Variants in NFIA observed in about 807,000 individuals in gnomAD.
NFIA encodes the protein nuclear factor I A.
NFIA carries 8 observed loss-of-function variants against 62.8 expected under a neutral mutation model. The ratio of observed to expected loss-of-function variants is 0.13; its 90% CI spans 0.07 to 0.23. The LOEUF is 0.23. Ranked by LOEUF, NFIA falls within the 10% of genes least tolerant of loss-of-function variation. The pLI is 1.00. For synonymous variants in NFIA, 235 were observed against 238.1 expected (o/e 0.99, Z 0.12); for missense variants, 410 against 642.1 (o/e 0.64, Z 3.91).
chr1:61,330,164 G>A (rs1661215583), intron 3 of NFIA, among the ~76,000 whole-genome samples: 1 of 152,110 alleles, frequency 6.6e-6, no homozygotes, highest in Non-Finnish European at 1.5e-5. Context: ...AATACCTGTG[G>A]GCTATCTGGA....
chr1:61,182,515 G>GAT (rs1285257501), intron 2 of NFIA, among the ~76,000 whole-genome samples: 3 of 152,204 alleles, frequency 2.0e-5, no homozygotes, highest in South Asian at 4.1e-4. Flanking sequence ...GATTAATCAA[G>GAT]ATTCAGGACC....
In NFIA at chr1:61,133,312, A is replaced by G. The variant is rs534395343; in HGVS notation, c.559+44632A>G. On this transcript the variant is annotated intron_variant, in intron 2 of 10. Coordinates refer to ENST00000403491, the MANE Select transcript of NFIA (RefSeq NM_001134673.4). The stretch of plus-strand genomic sequence containing the variant: ...TTGACCTAATGAATGCAGTTCTTAA[A>G]AAATAATAAATATTTATATGTGGTC... Among the ~76,000 whole-genome samples the G allele has an allele frequency of 2.6e-4, 40 of 152,084 alleles. 1 individual carries two copies. In the East Asian group the frequency reaches 6.9e-3, roughly 26 times the overall value.
intron 3 of NFIA, among the ~76,000 whole-genome samples, chr1:61,281,558 G>A (rs1658135883): frequency 1.3e-5 from 2 of 152,172 alleles, no homozygotes; most frequent in African/African-American, 4.8e-5. Context: ...AATCCCCATG[G>A]TGCCACGTCT....
chr1:61,449,088 A>G (rs1353383849), intron 10 of NFIA, among the ~76,000 whole-genome samples: 6 of 152,230 alleles, frequency 3.9e-5, no homozygotes, highest in Admixed American at 3.9e-4. Flanking sequence ...GTAAGTAGGC[A>G]GCAGTCCATG....
chr1:61,359,076 A>G, intron 5 of NFIA, 71 bp from the exon 6 acceptor site: 3 of 1,571,372 alleles, frequency 1.9e-6, no homozygotes, highest in East Asian at 2.3e-5. Flanking sequence ...CTTTCTTTCA[A>G]CCAGAGGTGC....
intron 4 of NFIA, among the ~76,000 whole-genome samples, chr1:61,345,095 G>A (rs1662145880): frequency 6.6e-6 from 1 of 152,164 alleles, no homozygotes; most frequent in Admixed American, 6.5e-5. Flanking sequence ...ACAGGAAAGA[G>A]GCAGGGGTAG....
chr1:61,285,869 A>G (rs902893248), intron 3 of NFIA, among the ~76,000 whole-genome samples: 6 of 152,180 alleles, frequency 3.9e-5, no homozygotes, highest in Non-Finnish European at 7.3e-5. Context: ...CTTTTCAACA[A>G]TCTTTCCACG....
At chr1:61,202,123 A>C (rs1211870857) in intron 2 of NFIA, among the ~76,000 whole-genome samples, 1 of 152,158 alleles carries the variant, frequency 6.6e-6, no homozygotes, top group Non-Finnish European at 1.5e-5. Flanking sequence ...ATGGTAACTT[A>C]AGATTGAGAT....
At chr1:61,316,036 C>T (rs1299221383) in intron 3 of NFIA, among the ~76,000 whole-genome samples, 3 of 152,106 alleles carry the variant, frequency 2.0e-5, no homozygotes, top group Non-Finnish European at 2.9e-5. Context: ...TGTACTCTCT[C>T]GTCCACATAC....
intron 2 of NFIA, among the ~76,000 whole-genome samples, chr1:61,135,879 G>C (rs1258312372): frequency 2.0e-5 from 3 of 152,060 alleles, no homozygotes; most frequent in Admixed American, 1.3e-4. Context: ...CATATCCATA[G>C]AGCACGCATT....
intron 2 of NFIA, among the ~76,000 whole-genome samples, chr1:61,127,773 T>G (rs1189211620): frequency 1.3e-5 from 2 of 152,196 alleles, no homozygotes; most frequent in Non-Finnish European, 2.9e-5. Context: ...TATCCTTAAA[T>G]TTTTAGTTAC....
At chr1:61,389,878 G>C (rs571471548) in intron 7 of NFIA, among the ~76,000 whole-genome samples, 3 of 151,872 alleles carry the variant, frequency 2.0e-5, no homozygotes, top group Non-Finnish European at 2.9e-5. Flanking sequence ...GGTCAGTTTG[G>C]CTTTTTTCAA....
chr1:61,327,306 G>A (rs891695294), intron 3 of NFIA, among the ~76,000 whole-genome samples: 1 of 151,642 alleles, frequency 6.6e-6, no homozygotes, highest in African/African-American at 2.4e-5. Context: ...TTGGGTACAT[G>A]GATGAATTGT....
intron 2 of NFIA, among the ~76,000 whole-genome samples, chr1:61,160,727 C>A (rs978673136): frequency 4.6e-5 from 7 of 152,192 alleles, no homozygotes; most frequent in Non-Finnish European, 1.0e-4. Flanking sequence ...ATGCAGATGA[C>A]TGTACACACT....
At chr1:61,279,283 A>G (rs1333547021) in intron 3 of NFIA, among the ~76,000 whole-genome samples, 2 of 152,110 alleles carry the variant, frequency 1.3e-5, no homozygotes, top group East Asian at 1.9e-4. Context: ...CCCATGAGAA[A>G]TTTGATTACA....
At chr1:61,404,332 A>G (rs760848617) in intron 8 of NFIA, 50 bp downstream of exon 8, 1 of 1,513,836 alleles carries the variant, frequency 6.6e-7, no homozygotes, top group Non-Finnish European at 8.9e-7. Flanking sequence ...AGCCGAATAT[A>G]AAAATAACAA....
Position 61,126,924 on chromosome 1 carries a change from A to G in NFIA, c.559+38244A>G, listed in dbSNP as rs143232871. Among the ~76,000 whole-genome samples, 375 of 150,520 alleles carry G rather than the reference A, an allele frequency of 2.5e-3. 1 individual carries two copies. Among genetic ancestry groups the G allele is most frequent in the African/African-American group, 8.9e-3 (364 of 40,936 alleles). On this transcript the variant is annotated intron_variant, in intron 2 of 10. Transcript: ENST00000403491. ...CTCAGCCTCCTGAGTAGCTGGGACTACAGATGTGTACCACCACGTCCGACT... is the reference window on the plus strand; with the variant it reads ...CTCAGCCTCCTGAGTAGCTGGGACTGCAGATGTGTACCACCACGTCCGACT...
intron 2 of NFIA, among the ~76,000 whole-genome samples, chr1:61,137,080 C>T (rs1194788293): frequency 6.6e-6 from 1 of 152,008 alleles, no homozygotes; most frequent in Non-Finnish European, 1.5e-5. Flanking sequence ...ATATTGTGTG[C>T]GTAATCTTAT....
chr1:61,360,783 C>T (rs955146614), intron 6 of NFIA, among the ~76,000 whole-genome samples: 1 of 152,218 alleles, frequency 6.6e-6, no homozygotes, highest in Non-Finnish European at 1.5e-5. Flanking sequence ...GAAGTACATA[C>T]CTCCCTGCTC....
Sources: allele counts gnomAD v4.1 joint callset (sites outside exome capture counted in the v4.1 genomes callset), GRCh38; gene constraint gnomAD v4.1.1; transcripts MANE v1.5; gene names NCBI Gene and HGNC (gene_info 2026-07-23, HGNC 2026-07-21).